The following TMCC1 variants were observed in gnomAD, a reference collection of about 807,000 sequenced individuals.
The protein encoded by TMCC1 is transmembrane and coiled-coil domains protein 1.
Under a neutral mutation model 52.4 loss-of-function variants are expected in TMCC1, and 15 were observed. The observed-to-expected ratio is 0.29, with a 90% confidence interval of 0.19 to 0.44. TMCC1 has a LOEUF of 0.44. Ranked by LOEUF, TMCC1 falls within the 20% of genes least tolerant of loss-of-function variation. TMCC1 has a pLI of 1.00. For missense variants in TMCC1, 503 were observed against 806.0 expected, an observed-to-expected ratio of 0.62 and a Z score of 4.55; for synonymous variants, 279 against 301.9, an observed-to-expected ratio of 0.92 and a Z score of 0.79.
At chr3:129,892,211 T>C (rs2062000595) in intron 1 of TMCC1, among the ~76,000 whole-genome samples, 3 of 152,236 alleles carry the variant, frequency 2.0e-5, no homozygotes, top group African/African-American at 7.2e-5. Context: ...CAGCAATCTA[T>C]AAGCAGCTCA....
At chr3:129,882,748 T>C (rs1229716148) in intron 1 of TMCC1, among the ~76,000 whole-genome samples, 1 of 152,210 alleles carries the variant, frequency 6.6e-6, no homozygotes, top group Non-Finnish European at 1.5e-5. Context: ...CAGGACATTA[T>C]ATTAAGTGAC....
chr3:129,685,457 C>T (rs968909393), intron 4 of TMCC1, among the ~76,000 whole-genome samples: 1 of 147,248 alleles, frequency 6.8e-6, no homozygotes, highest in Non-Finnish European at 1.5e-5. Flanking sequence ...GAGGAGGTAA[C>T]AATAAAAATG....
intron 2 of TMCC1, among the ~76,000 whole-genome samples, chr3:129,839,864 G>A (rs2059342932): frequency 6.6e-6 from 1 of 151,906 alleles, no homozygotes; most frequent in Non-Finnish European, 1.5e-5. Context: ...CAGCCTGGGT[G>A]AGAGAGAGAC....
chr3:129,882,220 G>A (rs921832015), intron 1 of TMCC1, among the ~76,000 whole-genome samples: 4 of 151,982 alleles, frequency 2.6e-5, no homozygotes, highest in Non-Finnish European at 5.9e-5. Flanking sequence ...ATATTTCTAC[G>A]AAGGAGATAC....
chr3:129,715,853 GTTTATA>G (rs1338304824), intron 4 of TMCC1, among the ~76,000 whole-genome samples: 3 of 152,126 alleles, frequency 2.0e-5, no homozygotes, highest in African/African-American at 7.2e-5. Flanking sequence ...TATTAAATGA[GTTTATA>G]TTTATAAAGT....
At chr3:129,787,160 C>T (rs903584142) in intron 4 of TMCC1, among the ~76,000 whole-genome samples, 1 of 152,120 alleles carries the variant, frequency 6.6e-6, no homozygotes, top group African/African-American at 2.4e-5. Context: ...TAATTCTTTT[C>T]ACATAAGGAG....
chr3:129,839,233 T>TA (rs2059312171), intron 2 of TMCC1, among the ~76,000 whole-genome samples: 2 of 152,114 alleles, frequency 1.3e-5, no homozygotes, highest in African/African-American at 4.8e-5. Context: ...ACCCCACAGG[T>TA]AAAAGTAAAA....
At chr3:129,874,576 G>A (rs1462105542) in intron 2 of TMCC1, among the ~76,000 whole-genome samples, 2 of 151,628 alleles carry the variant, frequency 1.3e-5, no homozygotes, top group Non-Finnish European at 2.9e-5. Context: ...AAACATACAG[G>A]GCAGGTGCAG....
intron 4 of TMCC1, among the ~76,000 whole-genome samples, chr3:129,778,817 T>C (rs563732639): frequency 6.6e-6 from 1 of 152,306 alleles, no homozygotes; most frequent in East Asian, 1.9e-4. Context: ...TACTGCCCCT[T>C]CTGCCGTGAT....
chr3:129,869,886 TGCAGATACTGTCCTCAACA>T (rs2060831878), intron 2 of TMCC1, among the ~76,000 whole-genome samples: 1 of 152,238 alleles, frequency 6.6e-6, no homozygotes, highest in Non-Finnish European at 1.5e-5. Context: ...AACTCTGAGA[TGCAGATACTGTCCTCAACA>T]GCAGAAGAGA....
Position 129,825,262 on chromosome 3 carries a change from C to T in TMCC1, c.576+2541G>A, listed in dbSNP as rs556662580. Among the ~76,000 whole-genome samples, 10 of 152,306 alleles carry T rather than the reference C, an allele frequency of 6.6e-5. No individual in the cohort carries two copies. The South Asian group carries it at 1.9e-3, about 28-fold the overall frequency. Reference sequence around the variant, plus strand: ...AAACTTAGAAATCTTTTTATTTGAACACATACATCTCCCTCAAACTTCTTC... The same window carrying T: ...AAACTTAGAAATCTTTTTATTTGAATACATACATCTCCCTCAAACTTCTTC... On this transcript the variant is annotated intron_variant, in intron 4 of 6. Coordinates refer to ENST00000393238, the MANE Select transcript of TMCC1 (RefSeq NM_001017395.5).
At chr3:129,705,264 G>A (rs1210518264) in intron 4 of TMCC1, among the ~76,000 whole-genome samples, 1 of 152,172 alleles carries the variant, frequency 6.6e-6, no homozygotes, top group Non-Finnish European at 1.5e-5. Flanking sequence ...GGAGACTCTG[G>A]TCTTAACCAG....
At chr3:129,716,791 T>C (rs1238459211) in intron 4 of TMCC1, among the ~76,000 whole-genome samples, 4 of 152,136 alleles carry the variant, frequency 2.6e-5, no homozygotes, top group African/African-American at 4.8e-5. Flanking sequence ...AGCAGCTGCT[T>C]TCTGCTCCAA....
At chr3:129,877,412 T>C (rs2061267664) in intron 2 of TMCC1, among the ~76,000 whole-genome samples, 1 of 152,182 alleles carries the variant, frequency 6.6e-6, no homozygotes, top group Non-Finnish European at 1.5e-5. Context: ...CCTTGATGTT[T>C]CCTTCTCATC....
intron 4 of TMCC1, among the ~76,000 whole-genome samples, chr3:129,826,289 C>G (rs955700159): frequency 2.0e-5 from 3 of 150,170 alleles, no homozygotes; most frequent in African/African-American, 2.5e-5. Context: ...ATCACTTGAA[C>G]TCAGGAGTTT....
chr3:129,734,237 T>G (rs188642607), intron 4 of TMCC1, among the ~76,000 whole-genome samples: 68 of 152,308 alleles, frequency 4.5e-4, no homozygotes, highest in Admixed American at 2.9e-3. Context: ...ATACAACAAG[T>G]AGATCAGAAC....
chr3:129,788,024 C>T (rs2056163757), intron 4 of TMCC1, among the ~76,000 whole-genome samples: 1 of 152,176 alleles, frequency 6.6e-6, no homozygotes, highest in Non-Finnish European at 1.5e-5. Flanking sequence ...TCCTATCCAC[C>T]TATGTCTCCA....
chr3:129,874,910 C>T (rs2061119220), intron 2 of TMCC1, among the ~76,000 whole-genome samples: 1 of 152,006 alleles, frequency 6.6e-6, no homozygotes, highest in South Asian at 2.1e-4. Flanking sequence ...ATATTTGAAC[C>T]TTTCTCTTCA....
intron 4 of TMCC1, among the ~76,000 whole-genome samples, chr3:129,738,289 A>AT (rs1429153400): frequency 1.3e-5 from 2 of 151,260 alleles, no homozygotes; most frequent in East Asian, 3.9e-4. Context: ...AAAAAAAAAA[A>AT]AGAGAAGAAG....
Sources: gnomAD v4.1 joint callset for allele counts (sites outside exome capture counted in the v4.1 genomes callset) on GRCh38, gnomAD v4.1.1 for gene constraint, MANE v1.5 for transcripts, NCBI Gene and HGNC (gene_info 2026-07-23, HGNC 2026-07-21) for gene names.